The following PHKB variants were observed in gnomAD, a reference collection of about 807,000 sequenced individuals.
PHKB encodes the protein phosphorylase b kinase regulatory subunit beta.
Under a neutral mutation model 152.1 loss-of-function variants are expected in PHKB, and 122 were observed. That is an observed-to-expected ratio of 0.80 (90% CI 0.69 to 0.93). The LOEUF is 0.93. Among genes scored for constraint, PHKB ranks in the 40% least tolerant of loss-of-function variants. PHKB has a pLI of 0.00. For missense variants in PHKB, 1,304 were observed against 1,328.4 expected (o/e 0.98, Z 0.29); for synonymous variants, 436 against 464.9 (o/e 0.94, Z 0.80).
chr16:47,542,600 G>A (rs186602143), intron 6 of PHKB, among the ~76,000 whole-genome samples: 13 of 152,176 alleles, frequency 8.5e-5, no homozygotes, highest in Admixed American at 5.9e-4. Flanking sequence ...CAGTATGGCC[G>A]TTTTCACAAT....
intron 26 of PHKB, among the ~76,000 whole-genome samples, chr16:47,671,498 AT>A (rs1973637863): frequency 1.3e-5 from 2 of 152,070 alleles, no homozygotes; most frequent in Admixed American, 1.3e-4. Flanking sequence ...TATATTTACC[AT>A]GCTTTCTTAT....
rs200046721 is a variant in PHKB, at chr16:47,699,377, G to A, written c.*11G>A. ...TGTCTGATTAGCTAGTGGGGAAGGT[G>A]TAGGAAGCTCTGTTGAGACACATGT... On this transcript the variant is annotated 3_prime_UTR_variant, in exon 31 of 31. Transcript: ENST00000323584. 3 of 1,613,906 alleles carry A rather than the reference G, an allele frequency of 1.9e-6. No individual in the cohort carries two copies. Among genetic ancestry groups the A allele is most frequent in the Non-Finnish European group, 2.5e-6 (3 of 1,179,884 alleles).
chr16:47,547,485 C>G lies in PHKB; in HGVS notation c.647C>G (p.Pro216Arg). 1 of 1,613,232 alleles carries G rather than the reference C, an allele frequency of 6.2e-7. No individual in the cohort carries two copies. The highest frequency in any genetic ancestry group is 8.5e-7 in the Non-Finnish European group (1 of 1,179,340). Residue 216 changes from proline (P) to arginine (R), a missense_variant, in exon 7 of 31, where the codon CCT becomes CGT. By Grantham distance (103) the Pro-to-Arg change is moderately radical (BLOSUM62 -2). Transcript: ENST00000323584. ...VFCVERVYRV[P>R]DFGVWERGSK... Reference sequence around the variant, plus strand: ...TGTGTGGAAAGAGTTTACCGTGTGCCTGACTTTGGTGTCTGGGAAAGAGGA... The same window carrying G: ...TGTGTGGAAAGAGTTTACCGTGTGCGTGACTTTGGTGTCTGGGAAAGAGGA...
chr16:47,659,127 G>A (rs1407828102), intron 20 of PHKB, among the ~76,000 whole-genome samples: 1 of 152,184 alleles, frequency 6.6e-6, no homozygotes, highest in African/African-American at 2.4e-5. Context: ...AGCCAGGCTA[G>A]TAAAAATGTG....
At chr16:47,674,967 C>A (rs571523409) in intron 26 of PHKB, among the ~76,000 whole-genome samples, 216 of 152,312 alleles carry the variant, frequency 1.4e-3, no homozygotes, top group Non-Finnish European at 2.5e-3. Context: ...ATTTTATTCC[C>A]ATTTCTGCCA....
chr16:47,618,589 T>C (rs1972562548), intron 14 of PHKB, among the ~76,000 whole-genome samples: 1 of 152,214 alleles, frequency 6.6e-6, no homozygotes. Flanking sequence ...GACTTATTTA[T>C]GTTGTCTGAG....
chr16:47,493,460 T>C (rs1296736493), intron 1 of PHKB, among the ~76,000 whole-genome samples: 1 of 152,194 alleles, frequency 6.6e-6, no homozygotes, highest in East Asian at 1.9e-4. Flanking sequence ...CTAGTTGAGG[T>C]ATTTTAAAAG....
chr16:47,623,557 ATTT>A (rs35402802), intron 14 of PHKB, among the ~76,000 whole-genome samples: 17 of 86,262 alleles, frequency 2.0e-4, no homozygotes, highest in African/African-American at 5.7e-4. Context: ...GACAGTTTTG[ATTT>A]TTTTTTTTTT....
At chr16:47,526,152 G>A (rs764596385) in intron 6 of PHKB, among the ~76,000 whole-genome samples, 5 of 152,150 alleles carry the variant, frequency 3.3e-5, no homozygotes, top group Non-Finnish European at 5.9e-5. Flanking sequence ...GCTCATGCCC[G>A]TAATCCCAGC....
chr16:47,476,527 T>C (rs1969871694), intron 1 of PHKB, among the ~76,000 whole-genome samples: 1 of 152,224 alleles, frequency 6.6e-6, no homozygotes, highest in South Asian at 2.1e-4. Context: ...GTTTTAGTTA[T>C]TATAATTTGA....
chr16:47,583,597 T>A (rs866848112), intron 8 of PHKB, among the ~76,000 whole-genome samples: 21 of 152,144 alleles, frequency 1.4e-4, no homozygotes, highest in Non-Finnish European at 2.5e-4. Context: ...AGTACATTCC[T>A]TCTTGGTGGC....
At chr16:47,565,500 C>G in intron 7 of PHKB, 3 of 1,349,140 alleles carry the variant, frequency 2.2e-6, no homozygotes, top group Non-Finnish European at 3.2e-6. Flanking sequence ...CTGGCATTAC[C>G]TTTAGGGGCT....
intron 20 of PHKB, among the ~76,000 whole-genome samples, chr16:47,660,047 A>G (rs1207960437): frequency 1.3e-5 from 2 of 152,064 alleles, no homozygotes; most frequent in East Asian, 3.9e-4. Context: ...TATTTTTAGT[A>G]GAGATGGGGT....
chr16:47,658,604 A>T (rs1973380909), intron 20 of PHKB, among the ~76,000 whole-genome samples: 1 of 152,208 alleles, frequency 6.6e-6, no homozygotes, highest in Non-Finnish European at 1.5e-5. Flanking sequence ...CTTTAGATAC[A>T]CAAATATCAT....
Position 47,650,590 on chromosome 16 carries a change from C to T in PHKB, c.1844C>T (p.Pro615Leu), listed in dbSNP as rs890991790. 1.2e-6 allele frequency: 2 copies of T among 1,611,232 alleles called. No individual in the cohort carries two copies. The highest frequency in any genetic ancestry group is 3.3e-5 in the Admixed American group (2 of 59,986). The part of the protein sequence containing the change: ...IKQYWKMHGR[P>L]LFLVLIREDN... ...CAATATTGGAAAATGCATGGACGTCCACTTTTCCTTGTTCTCATCCGGGAA... is the reference window on the plus strand; with the variant it reads ...CAATATTGGAAAATGCATGGACGTCTACTTTTCCTTGTTCTCATCCGGGAA... The change falls in exon 19 of 31, where the codon CCA becomes CTA. Residue 615 changes from proline to leucine, a missense_variant. Physicochemically the swap from Pro to Leu is moderately conservative, Grantham distance 98. Transcript: ENST00000323584.
chr16:47,497,560 T>A, intron 2 of PHKB, 72 bp downstream of exon 2: 1 of 867,534 alleles, frequency 1.2e-6, no homozygotes, highest in Non-Finnish European at 1.9e-6. Context: ...AGTTAAATTA[T>A]GTACATTATG....
chr16:47,541,626 G>A (rs1971061308), intron 6 of PHKB, among the ~76,000 whole-genome samples: 3 of 152,178 alleles, frequency 2.0e-5, no homozygotes, highest in Admixed American at 1.3e-4. Context: ...GTGTAAAAGT[G>A]TTCCTATTTC....
At chr16:47,666,188 A>G (rs1973536325) in intron 25 of PHKB, among the ~76,000 whole-genome samples, 1 of 152,172 alleles carries the variant, frequency 6.6e-6, no homozygotes, top group Non-Finnish European at 1.5e-5. Flanking sequence ...TCCTTCCCCA[A>G]GCAAAATCTA....
intron 7 of PHKB, chr16:47,566,118 C>A (rs1324924771): frequency 3.0e-6 from 2 of 659,534 alleles, no homozygotes; most frequent in Non-Finnish European, 5.5e-6. Context: ...ATCATAATCT[C>A]TGCTGCCTTG....
Sources: gnomAD v4.1 joint callset for allele counts (sites outside exome capture counted in the v4.1 genomes callset) on GRCh38, gnomAD v4.1.1 for gene constraint, MANE v1.5 for transcripts, NCBI Gene and HGNC (gene_info 2026-07-23, HGNC 2026-07-21) for gene names.